Variants in FAM163B observed in about 807,000 individuals in gnomAD.
FAM163B encodes the protein protein FAM163B.
A neutral mutation model predicts 7.6 loss-of-function variants in FAM163B; 4 were observed. The observed-to-expected ratio is 0.52, with a 90% CI of 0.26 to 1.20. FAM163B has a LOEUF of 1.20. FAM163B is among the 50% of genes most tolerant of loss of function. The probability of loss-of-function intolerance (pLI) is 0.14; values close to 1 mark genes in which losing one functional copy is unlikely to be tolerated. For synonymous variants in FAM163B, 120 were observed against 111.6 expected (o/e 1.07, Z -0.47); for missense variants, 250 against 243.0 (o/e 1.03, Z -0.19).
At chr9:133,591,226 T>G (rs1472676910) in intron 1 of FAM163B, among the ~76,000 whole-genome samples, 1 of 152,226 alleles carries the variant, frequency 6.6e-6, no homozygotes, top group East Asian at 1.9e-4. Context: ...TGCTATGCCC[T>G]GGCACTGGGC....
chr9:133,589,644 G>A (rs1037054911), intron 1 of FAM163B, among the ~76,000 whole-genome samples: 2 of 151,832 alleles, frequency 1.3e-5, no homozygotes, highest in East Asian at 2.0e-4. Context: ...ACACAGTAGG[G>A]CGGCATTGGT....
chr9:133,608,797 G>C (rs951744515), intron 1 of FAM163B, among the ~76,000 whole-genome samples: 1 of 152,208 alleles, frequency 6.6e-6, no homozygotes, highest in Non-Finnish European at 1.5e-5. Flanking sequence ...CCTGCCCCCA[G>C]GCCACTGTTC....
intron 1 of FAM163B, among the ~76,000 whole-genome samples, chr9:133,585,417 C>T (rs1831420190): frequency 1.3e-5 from 2 of 152,238 alleles, no homozygotes; most frequent in South Asian, 2.1e-4. Context: ...CCTCACTTGC[C>T]GTAAAGCCCA....
intron 1 of FAM163B, among the ~76,000 whole-genome samples, chr9:133,587,464 GCAGGA>G (rs1831458040): frequency 6.6e-6 from 1 of 152,214 alleles, no homozygotes; most frequent in Non-Finnish European, 1.5e-5. Context: ...GAACCGTAGG[GCAGGA>G]CAGGGAGTGT....
chr9:133,607,103 T>C (rs575259563), intron 1 of FAM163B, among the ~76,000 whole-genome samples: 4 of 152,160 alleles, frequency 2.6e-5, no homozygotes, highest in Non-Finnish European at 5.9e-5. Flanking sequence ...CTCAATACCA[T>C]GGCAAAAAGG....
In FAM163B at chr9:133,609,257, G is replaced by T. The variant is rs1471218898; in HGVS notation, c.-204C>A. ...GCGCTGAGAAGCCCGGGAGGCCCCC[G>T]GGGAGGCGACTGCGTGCCCAGGCGG... On this transcript the variant is annotated 5_prime_UTR_variant, in exon 1 of 3. Coordinates refer to ENST00000673969, the MANE Select transcript of FAM163B (RefSeq NM_001080515.3). 1.3e-5 allele frequency among the ~76,000 whole-genome samples: 2 copies of T among 150,726 alleles called. No individual in the cohort carries two copies. The highest frequency in any genetic ancestry group is 3.0e-5 in the Non-Finnish European group (2 of 67,508).
At chr9:133,605,226 G>A (rs1164227293) in intron 1 of FAM163B, among the ~76,000 whole-genome samples, 2 of 152,230 alleles carry the variant, frequency 1.3e-5, no homozygotes, top group Non-Finnish European at 2.9e-5. Flanking sequence ...TGGCACATCA[G>A]AGGCGGATGT....
At chr9:133,596,745 C>T (rs1261785485) in intron 1 of FAM163B, among the ~76,000 whole-genome samples, 1 of 152,168 alleles carries the variant, frequency 6.6e-6, no homozygotes, top group Non-Finnish European at 1.5e-5. Flanking sequence ...GACCGTGGAG[C>T]CACAGGGCTC....
chr9:133,587,536 C>T (rs1188483621), intron 1 of FAM163B, among the ~76,000 whole-genome samples: 1 of 152,196 alleles, frequency 6.6e-6, no homozygotes, highest in Non-Finnish European at 1.5e-5. Flanking sequence ...CCTGGGGGCT[C>T]CCTGGTCCTC....
At chr9:133,589,391 T>C (rs11998866) in intron 1 of FAM163B, among the ~76,000 whole-genome samples, 66,050 of 151,988 alleles carry the variant, frequency 0.43, 15,208 homozygotes, top group East Asian at 0.9. Flanking sequence ...AGCCAAGGAG[T>C]CTAGCATGGG....
intron 1 of FAM163B, among the ~76,000 whole-genome samples, chr9:133,583,725 C>A (rs1831389889): frequency 6.6e-6 from 1 of 152,222 alleles, no homozygotes; most frequent in African/African-American, 2.4e-5. Flanking sequence ...AGCCTGGCGG[C>A]GTGACGGGAA....
At chr9:133,582,451 G>C (rs943908465) in intron 1 of FAM163B, among the ~76,000 whole-genome samples, 1 of 152,196 alleles carries the variant, frequency 6.6e-6, no homozygotes, top group Admixed American at 6.5e-5. Flanking sequence ...GAGGGATCTG[G>C]GTCAGGTCAG....
chr9:133,578,905 G>A lies in FAM163B; in HGVS notation c.*117C>T, dbSNP rs894575168. ...AGCCTGGGCCTCCCCTGAGGACAGG[G>A]ATTCCAGGAGGGCTCAGCCAAGCCC... On this transcript the variant is annotated 3_prime_UTR_variant, in exon 3 of 3. Transcript: ENST00000673969. 7.0e-7 allele frequency: 1 copy of A among 1,429,906 alleles called. No homozygotes were observed. The highest frequency in any genetic ancestry group is 1.4e-5 in the African/African-American group (1 of 69,638). The allele number at this position is 1,429,906 out of a possible 1,614,324, so 88.6% of individuals were successfully genotyped here. A position where few individuals can be genotyped will look rare whatever the true frequency, so the allele number is the denominator to read the frequency against.
At position 133,579,073 on chromosome 9, in the gene FAM163B, T is replaced by C. The variant is rs1831302502; in HGVS notation, c.450A>G (p.Ser150=). The C allele has an allele frequency of 6.3e-7, 1 of 1,591,272 alleles. No homozygotes were observed. ...TCCTGGCGAAGGCCTCCCGCATGGC[T>C]GAGAGGCGGTTGGGGTTGAGCGCCT... is the stretch of plus-strand genomic sequence containing the variant. ...GLQALNPNRL[S]AMREAFARSR... is the part of the protein sequence containing the mutation. The change falls in exon 3 of 3, where the codon TCA becomes TCG. Residue 150 remains serine, a synonymous_variant. Transcript: ENST00000673969.
intron 1 of FAM163B, among the ~76,000 whole-genome samples, chr9:133,587,073 AGAT>A (rs1831450586): frequency 1.3e-5 from 2 of 152,186 alleles, no homozygotes; most frequent in Non-Finnish European, 2.9e-5. Context: ...CAGAAGAGTG[AGAT>A]GATCCACTGA....
rs943868317 is a variant in FAM163B, at chr9:133,606,718, C to A, written c.-24+2359G>T. ...AGGGAAGTGGCGGTAGGGCCAGGAGCGGAGTGGAGGACAGAACAAGGGCTC... is the reference window on the plus strand; with the variant it reads ...AGGGAAGTGGCGGTAGGGCCAGGAGAGGAGTGGAGGACAGAACAAGGGCTC... On this transcript the variant is annotated intron_variant, in intron 1 of 2. Transcript: ENST00000673969. This position sits in a 1 kb window ranked among gnomAD's most constrained non-coding sequence, Gnocchi z 4.0. 1.3e-5 allele frequency among the ~76,000 whole-genome samples: 2 copies of A among 152,222 alleles called. No homozygotes were observed.
chr9:133,605,202 G>A (rs1831775323), intron 1 of FAM163B, among the ~76,000 whole-genome samples: 1 of 152,224 alleles, frequency 6.6e-6, no homozygotes, highest in South Asian at 2.1e-4. Context: ...CAGTCTGCTG[G>A]CTGGGAGGTA....
intron 1 of FAM163B, among the ~76,000 whole-genome samples, chr9:133,595,886 C>T (rs1022791446): frequency 6.6e-6 from 1 of 152,162 alleles, no homozygotes; most frequent in Non-Finnish European, 1.5e-5. Context: ...TATTCTGGTG[C>T]CTGGAATGGT....
At chr9:133,599,636 A>C (rs2318359) in intron 1 of FAM163B, among the ~76,000 whole-genome samples, 1 of 149,594 alleles carries the variant, frequency 6.7e-6, no homozygotes, top group South Asian at 2.1e-4. Context: ...ATGTATGTGT[A>C]AGTGTGCATG....
Sources: allele counts gnomAD v4.1 joint callset (sites outside exome capture counted in the v4.1 genomes callset), GRCh38; gene constraint gnomAD v4.1.1; non-coding constraint Gnocchi (gnomAD v3.1); transcripts MANE v1.5; gene names NCBI Gene and HGNC (gene_info 2026-07-23, HGNC 2026-07-21).